FSTL4: variants seen among roughly 807,000 people sequenced by gnomAD.
The protein encoded by FSTL4 is follistatin-related protein 4.
A neutral mutation model predicts 78.2 loss-of-function variants in FSTL4; 28 were observed. The ratio of observed to expected loss-of-function variants is 0.36; its 90% CI spans 0.27 to 0.49. FSTL4 has a LOEUF of 0.49. Among genes scored for constraint, FSTL4 ranks in the 20% least tolerant of loss-of-function variants. The probability of loss-of-function intolerance (pLI) is 0.98; values close to 1 mark genes in which losing one functional copy is unlikely to be tolerated. For synonymous variants in FSTL4, 422 were observed against 440.5 expected, an observed-to-expected ratio of 0.96 and a Z score of 0.53; for missense variants, 922 against 1,084.9, an observed-to-expected ratio of 0.85 and a Z score of 2.11.
chr5:133,646,392 G>A, the FSTL4 span, among the ~76,000 whole-genome samples: 1 of 152,140 alleles, frequency 6.6e-6, no homozygotes, highest in Non-Finnish European at 1.5e-5. Flanking sequence ...GGTAAGCAGG[G>A]CCAGGATGCA....
the FSTL4 span, among the ~76,000 whole-genome samples, chr5:133,723,273 C>A: frequency 1.3e-5 from 2 of 152,174 alleles, no homozygotes; most frequent in African/African-American, 4.8e-5. Context: ...GTAGTTTTCA[C>A]CCCAGGGCAG....
chr5:133,752,244 C>G, the FSTL4 span, among the ~76,000 whole-genome samples: 1 of 152,206 alleles, frequency 6.6e-6, no homozygotes, highest in East Asian at 1.9e-4. Context: ...CTATCTCCAG[C>G]TTCAAAGAGC....
the FSTL4 span, among the ~76,000 whole-genome samples, chr5:133,642,712 G>C: frequency 6.6e-6 from 1 of 152,210 alleles, no homozygotes; most frequent in South Asian, 2.1e-4. Flanking sequence ...GCAGGACAGA[G>C]TTGTACAATT....
intron 4 of FSTL4, among the ~76,000 whole-genome samples, chr5:133,397,186 A>G (rs1756079976): frequency 6.6e-6 from 1 of 152,238 alleles, no homozygotes; most frequent in Non-Finnish European, 1.5e-5. Flanking sequence ...CAACTAATAC[A>G]CAAATAGGAA....
the FSTL4 span, among the ~76,000 whole-genome samples, chr5:133,716,057 C>G: frequency 6.6e-6 from 1 of 152,106 alleles, no homozygotes; most frequent in Non-Finnish European, 1.5e-5. Context: ...ATGTGGTCAT[C>G]GATAAGCAAG....
intron 2 of FSTL4, among the ~76,000 whole-genome samples, chr5:133,599,483 G>A (rs796943186): frequency 2.0e-5 from 3 of 152,268 alleles, no homozygotes; most frequent in African/African-American, 7.2e-5. Flanking sequence ...AAAACCCATG[G>A]TGTCTGAGCT....
chr5:133,384,842 C>G (rs1755661146), intron 4 of FSTL4, among the ~76,000 whole-genome samples: 1 of 152,358 alleles, frequency 6.6e-6, no homozygotes, highest in African/African-American at 2.4e-5. Flanking sequence ...CAGGCTTGCC[C>G]TTGCTGCTTT....
the FSTL4 span, among the ~76,000 whole-genome samples, chr5:133,673,786 T>C: frequency 6.6e-6 from 1 of 151,962 alleles, no homozygotes; most frequent in Non-Finnish European, 1.5e-5. Flanking sequence ...AAGATACAAG[T>C]AGAAGAAACC....
At chr5:133,833,178 T>G in the FSTL4 span, among the ~76,000 whole-genome samples, 1 of 152,170 alleles carries the variant, frequency 6.6e-6, no homozygotes, top group African/African-American at 2.4e-5. Flanking sequence ...CCACAGTCAG[T>G]TCCCAGCAGA....
the FSTL4 span, among the ~76,000 whole-genome samples, chr5:133,806,997 G>T: frequency 6.6e-6 from 1 of 152,106 alleles, no homozygotes; most frequent in East Asian, 1.9e-4. Context: ...TTTCAGGTGT[G>T]GACTGTCAAT....
At chr5:133,446,022 C>G (rs1757256157) in intron 3 of FSTL4, among the ~76,000 whole-genome samples, 1 of 152,184 alleles carries the variant, frequency 6.6e-6, no homozygotes, top group Non-Finnish European at 1.5e-5. Context: ...CTAGCCATTT[C>G]CCCAAGTGAT....
intron 4 of FSTL4, among the ~76,000 whole-genome samples, chr5:133,323,175 A>G (rs998910198): frequency 3.3e-5 from 5 of 152,200 alleles, no homozygotes; most frequent in African/African-American, 1.2e-4. Context: ...AAGGTCAGAC[A>G]GAACACTGGG....
At chr5:133,231,180 G>GA (rs112922906) in intron 8 of FSTL4, among the ~76,000 whole-genome samples, 2,609 of 135,624 alleles carry the variant, frequency 0.019, 37 homozygotes, top group African/African-American at 0.033. Flanking sequence ...TCCTACCTTG[G>GA]AAAAAAAAAA....
At chr5:133,629,029 A>G in the FSTL4 span, among the ~76,000 whole-genome samples, 1 of 145,246 alleles carries the variant, frequency 6.9e-6, no homozygotes, top group Non-Finnish European at 1.5e-5. Context: ...GTGGTGAGAG[A>G]GGGCATCCTT....
At chr5:133,824,491 G>A in the FSTL4 span, among the ~76,000 whole-genome samples, 2 of 152,194 alleles carry the variant, frequency 1.3e-5, no homozygotes, top group African/African-American at 2.4e-5. Context: ...AGATTCCAGG[G>A]CTTCAGGATC....
chr5:133,787,901 C>G, the FSTL4 span, among the ~76,000 whole-genome samples: 3 of 152,210 alleles, frequency 2.0e-5, no homozygotes, highest in Non-Finnish European at 4.4e-5. Flanking sequence ...GACTATATCC[C>G]TTAGACCAAA....
intron 4 of FSTL4, among the ~76,000 whole-genome samples, chr5:133,355,742 T>C (rs1754926442): frequency 6.6e-6 from 1 of 152,168 alleles, no homozygotes; most frequent in African/African-American, 2.4e-5. Flanking sequence ...AGGAAACAAA[T>C]CTTCTAGTTA....
At chr5:133,592,144 C>T (rs73788167) in intron 2 of FSTL4, among the ~76,000 whole-genome samples, 1,768 of 152,240 alleles carry the variant, frequency 0.012, 42 homozygotes, top group African/African-American at 0.041. Context: ...CCTCTGCCTC[C>T]AAGAGGTCCT....
chr5:133,501,663 C>T (rs139290377), intron 3 of FSTL4, among the ~76,000 whole-genome samples: 27 of 152,274 alleles, frequency 1.8e-4, no homozygotes, highest in Admixed American at 1.4e-3. Flanking sequence ...TATTCCATGC[C>T]GTAACCCCTG....
Sources: gnomAD v4.1 joint callset for allele counts (sites outside exome capture counted in the v4.1 genomes callset) on GRCh38, gnomAD v4.1.1 for gene constraint, MANE v1.5 for transcripts, NCBI Gene and HGNC (gene_info 2026-07-23, HGNC 2026-07-21) for gene names.